ACSS3: variants seen among roughly 807,000 people sequenced by gnomAD.
ACSS3 encodes the protein acyl-CoA synthetase short chain family member 3, also known as acyl-CoA synthetase short-chain family member 3, mitochondrial.
In ACSS3, 64 loss-of-function variants were observed where a neutral mutation model predicts 84.2. The ratio of observed to expected loss-of-function variants is 0.76; its 90% CI spans 0.62 to 0.94. The LOEUF (loss-of-function observed/expected upper bound fraction) is 0.94. Among genes scored for constraint, ACSS3 ranks in the 40% least tolerant of loss-of-function variants. The pLI is 0.00. For synonymous variants in ACSS3, 317 were observed against 310.1 expected, an observed-to-expected ratio of 1.02 and a Z score of -0.23; for missense variants, 815 against 867.6, an observed-to-expected ratio of 0.94 and a Z score of 0.76.
At chr12:81,153,133 C>T (rs1016104940) in intron 7 of ACSS3, among the ~76,000 whole-genome samples, 1 of 152,094 alleles carries the variant, frequency 6.6e-6, no homozygotes, top group Admixed American at 6.6e-5. Context: ...GTGGGCTGGG[C>T]ATGTTGGCTT....
rs570968271 is a variant in ACSS3, at chr12:81,183,949, A to G, written c.1250+9010A>G. ...ACTTTTGACAAAATTGCCCTAACAGACATATACAGAACTTCCCTTCCAACA... is the reference window on the plus strand; with the variant it reads ...ACTTTTGACAAAATTGCCCTAACAGGCATATACAGAACTTCCCTTCCAACA... On this transcript the variant is annotated intron_variant, in intron 8 of 15. Transcript: ENST00000548058. Among the ~76,000 whole-genome samples, 217 of 152,048 alleles carry G rather than the reference A, an allele frequency of 1.4e-3. 5 individuals are homozygous for G. The South Asian group carries it at 0.042, about 29-fold the overall frequency.
intron 8 of ACSS3, among the ~76,000 whole-genome samples, chr12:81,197,626 T>C (rs1396267933): frequency 6.6e-6 from 1 of 152,210 alleles, no homozygotes; most frequent in East Asian, 1.9e-4. Flanking sequence ...TCTTTCCCTC[T>C]GTGTCTTTCA....
At chr12:81,240,119 C>T (rs2033748513) in intron 13 of ACSS3, among the ~76,000 whole-genome samples, 1 of 151,808 alleles carries the variant, frequency 6.6e-6, no homozygotes, top group South Asian at 2.1e-4. Context: ...TGAACTATGT[C>T]CTTACTGATT....
intron 13 of ACSS3, among the ~76,000 whole-genome samples, chr12:81,242,883 CA>C (rs1275591510): frequency 6.6e-6 from 1 of 152,118 alleles, no homozygotes; most frequent in Non-Finnish European, 1.5e-5. Context: ...CTACCTATGA[CA>C]AACCCACAGC....
At chr12:81,176,709 G>T (rs1054412808) in intron 8 of ACSS3, among the ~76,000 whole-genome samples, 1 of 151,982 alleles carries the variant, frequency 6.6e-6, no homozygotes. Flanking sequence ...AGCCCTGGAC[G>T]AGATGAATTC....
intron 9 of ACSS3, among the ~76,000 whole-genome samples, chr12:81,213,588 TCCCCTCCCCTCC>T (rs2032692003): frequency 4.3e-5 from 1 of 23,414 alleles, no homozygotes; most frequent in Non-Finnish European, 7.2e-5. Flanking sequence ...TCTCCTCCCC[TCCCCTCCCCTCC>T]CCTCCCCTCC....
intron 8 of ACSS3, among the ~76,000 whole-genome samples, chr12:81,179,586 C>CA (rs1029366836): frequency 6.6e-6 from 1 of 151,516 alleles, no homozygotes; most frequent in African/African-American, 2.4e-5. Context: ...ATCGAGACCC[C>CA]AGTGAAACCC....
chr12:81,119,007 C>T (rs1054884096), intron 2 of ACSS3, among the ~76,000 whole-genome samples: 13 of 152,244 alleles, frequency 8.5e-5, no homozygotes, highest in South Asian at 2.1e-4. Context: ...CCCGATATTT[C>T]GTAGGTTCTT....
Position 81,253,671 on chromosome 12 carries a change from G to T in ACSS3, c.1995+1G>T. The T allele has an allele frequency of 6.2e-7, 1 of 1,608,710 alleles. No individual in the cohort carries two copies. Among genetic ancestry groups the T allele is most frequent in the Non-Finnish European group, 8.5e-7 (1 of 1,176,298 alleles). On this transcript the variant is annotated splice_donor_variant, in intron 15 of 15. Transcript: ENST00000548058. LOFTEE classifies it high-confidence loss of function. ...CATTGTCAATGGCAAGCCATACAAG[G>T]TAAATTATCAAAGATATTTATTCCT... is the stretch of plus-strand genomic sequence containing the variant.
At chr12:81,187,728 AG>A (rs1320437441) in intron 8 of ACSS3, among the ~76,000 whole-genome samples, 1 of 152,022 alleles carries the variant, frequency 6.6e-6, no homozygotes, top group Non-Finnish European at 1.5e-5. Context: ...TATATTTTAA[AG>A]CAACAAGGGT....
chr12:81,201,343 C>T (rs534359066), intron 9 of ACSS3, among the ~76,000 whole-genome samples: 17 of 152,332 alleles, frequency 1.1e-4, no homozygotes, highest in African/African-American at 2.9e-4. Flanking sequence ...CCGACACAAA[C>T]GCTTGCAGAA....
Position 81,247,471 on chromosome 12 carries a change from A to G in ACSS3, c.1720-5836A>G, listed in dbSNP as rs139879904. ...AAATAGGCAGTTAAAATGGAAAAAG[A>G]GAAAAACATGCTAGAATTATTGGCA... On this transcript the variant is annotated intron_variant, in intron 13 of 15. Transcript: ENST00000548058. Among the ~76,000 whole-genome samples the G allele has an allele frequency of 3.3e-5, 5 of 152,308 alleles. No individual in the cohort carries two copies. In the East Asian group the frequency reaches 9.6e-4, roughly 29 times the overall value.
chr12:81,207,207 T>C (rs894009981), intron 9 of ACSS3, among the ~76,000 whole-genome samples: 2 of 152,044 alleles, frequency 1.3e-5, no homozygotes, highest in Non-Finnish European at 2.9e-5. Context: ...AGAGCAAGAG[T>C]TATCTATACC....
chr12:81,133,758 AT>A (rs1017695825), intron 2 of ACSS3, among the ~76,000 whole-genome samples: 9 of 151,868 alleles, frequency 5.9e-5, no homozygotes, highest in Non-Finnish European at 1.2e-4. Flanking sequence ...TATTGTGAGT[AT>A]TTTCTCTGCT....
intron 1 of ACSS3, among the ~76,000 whole-genome samples, chr12:81,107,962 A>G (rs1361327965): frequency 6.6e-6 from 1 of 152,022 alleles, no homozygotes; most frequent in Non-Finnish European, 1.5e-5. Context: ...GTCTGCTGAC[A>G]TTGCATTAGC....
intron 8 of ACSS3, among the ~76,000 whole-genome samples, chr12:81,189,117 T>C (rs773160112): frequency 3.9e-5 from 6 of 152,152 alleles, no homozygotes; most frequent in Non-Finnish European, 8.8e-5. Flanking sequence ...CATTCTATTC[T>C]CTATCAGATC....
chr12:81,079,610 T>G (rs1880844778), intron 1 of ACSS3, among the ~76,000 whole-genome samples: 1 of 152,184 alleles, frequency 6.6e-6, no homozygotes, highest in Non-Finnish European at 1.5e-5. Flanking sequence ...CAATTATTTT[T>G]TCAATAGTAT....
chr12:81,143,214 T>A lies in ACSS3; in HGVS notation c.888T>A (p.Ile296=), dbSNP rs753942948. The A allele has an allele frequency of 3.1e-6, 5 of 1,608,956 alleles. No individual in the cohort carries two copies. Among genetic ancestry groups the A allele is most frequent in the Non-Finnish European group, 2.5e-6 (3 of 1,176,478 alleles). ...VPVLSEHPLY[I]LYTSGTTGLP... is the part of the protein sequence containing the mutation. The stretch of plus-strand genomic sequence containing the variant: ...TTCTTTCAGAACACCCACTGTATAT[T>A]CTTTACACATCTGGCACAACGGGGT... Residue 296 remains isoleucine (I), a synonymous_variant, in exon 5 of 16, where the codon ATT becomes ATA. Transcript: ENST00000548058.
Position 81,152,183 on chromosome 12 carries a change from A to G in ACSS3, c.1098+87A>G, listed in dbSNP as rs547138054. 15 of 1,111,304 alleles carry G rather than the reference A, an allele frequency of 1.3e-5. No individual in the cohort carries two copies. The East Asian group carries it at 3.4e-4, about 25-fold the overall frequency. The allele number at this position is 1,111,304 out of a possible 1,614,324, so 68.8% of individuals were successfully genotyped here. A position where few individuals can be genotyped will look rare whatever the true frequency, so the allele number is the denominator to read the frequency against. On this transcript the variant is annotated intron_variant, in intron 7 of 15. Transcript: ENST00000548058. ...AGCAGTCCTGAGTAGGATCAGAAAA[A>G]TTGGGGTGGGGACAGGGGACATTAT...
Sources: gnomAD v4.1 joint callset for allele counts (sites outside exome capture counted in the v4.1 genomes callset) on GRCh38, gnomAD v4.1.1 for gene constraint, MANE v1.5 for transcripts, NCBI Gene and HGNC (gene_info 2026-07-23, HGNC 2026-07-21) for gene names.